The following SLMAP variants were observed in gnomAD, a reference collection of about 807,000 sequenced individuals.
SLMAP encodes sarcolemma associated protein.
A neutral mutation model predicts 128.8 loss-of-function variants in SLMAP; 44 were observed. The observed-to-expected ratio is 0.34, with a 90% CI of 0.27 to 0.44. SLMAP has a LOEUF of 0.44. Among genes scored for constraint, SLMAP ranks in the 20% least tolerant of loss-of-function variants. SLMAP has a pLI of 1.00. For missense variants in SLMAP, 787 were observed against 985.3 expected, an observed-to-expected ratio of 0.80 and a Z score of 2.69; for synonymous variants, 327 against 348.8, an observed-to-expected ratio of 0.94 and a Z score of 0.70.
intron 2 of SLMAP, among the ~76,000 whole-genome samples, chr3:57,804,236 T>A (rs1323265436): frequency 6.6e-6 from 1 of 152,242 alleles, no homozygotes; most frequent in East Asian, 1.9e-4. Flanking sequence ...TGTATTTGTA[T>A]TATTTTTGTC....
chr3:57,855,017 G>A (rs2094702321), intron 6 of SLMAP, among the ~76,000 whole-genome samples: 1 of 152,122 alleles, frequency 6.6e-6, no homozygotes, highest in Non-Finnish European at 1.5e-5. Flanking sequence ...GCATACTGAA[G>A]GCAGTTGTAA....
chr3:57,882,951 A>C (rs1456139384), intron 14 of SLMAP, among the ~76,000 whole-genome samples: 1 of 152,174 alleles, frequency 6.6e-6, no homozygotes, highest in Non-Finnish European at 1.5e-5. Context: ...ATTTGCAAAC[A>C]ACTATTATGT....
chr3:57,869,069 G>A (rs972732259), intron 13 of SLMAP, among the ~76,000 whole-genome samples: 12 of 136,434 alleles, frequency 8.8e-5, no homozygotes, highest in African/African-American at 1.9e-4. Flanking sequence ...ATATAAAGGG[G>A]AGTTTATTAA....
chr3:57,759,633 A>G (rs2078226623), intron 2 of SLMAP, among the ~76,000 whole-genome samples: 1 of 152,166 alleles, frequency 6.6e-6, no homozygotes, highest in African/African-American at 2.4e-5. Flanking sequence ...GTTGAATTCA[A>G]ACATCAGTTT....
intron 23 of SLMAP, among the ~76,000 whole-genome samples, chr3:57,923,744 G>A (rs1223740145): frequency 6.6e-6 from 1 of 152,166 alleles, no homozygotes; most frequent in Non-Finnish European, 1.5e-5. Flanking sequence ...GTGTGCGTGA[G>A]CCACATACTT....
chr3:57,888,297 A>G (rs903918507), intron 14 of SLMAP, among the ~76,000 whole-genome samples: 1 of 152,202 alleles, frequency 6.6e-6, no homozygotes, highest in African/African-American at 2.4e-5. Context: ...AGCATACTAT[A>G]TGACTCATTA....
chr3:57,898,407 A>G lies in SLMAP; in HGVS notation c.1501+1475A>G, dbSNP rs866045678. On this transcript the variant is annotated intron_variant, in intron 17 of 24. Coordinates refer to ENST00000671191, the MANE Select transcript of SLMAP (RefSeq NM_001377540.1). ...CACCCATACAAAAGTAGCCCTCTTT[A>G]TGGTCTTTTGCACTACAGAACTCTC... 2.6e-5 allele frequency: 4 copies of G among 152,128 alleles called. No individual in the cohort carries two copies. The South Asian group carries it at 8.3e-4, about 32-fold the overall frequency. 9.4% of individuals were successfully genotyped at this position (152,128 alleles called of 1,614,324 possible).
At chr3:57,805,556 C>T (rs934452774) in intron 2 of SLMAP, among the ~76,000 whole-genome samples, 8 of 152,174 alleles carry the variant, frequency 5.3e-5, no homozygotes, top group South Asian at 2.1e-4. Context: ...CTAACACTGT[C>T]GTAATTCAGG....
In SLMAP at chr3:57,923,771, C is replaced by T. The variant is rs114301604; in HGVS notation, c.2445+748C>T. Among the ~76,000 whole-genome samples the T allele has an allele frequency of 5.8e-4, 88 of 152,320 alleles. 1 individual carries two copies. The highest frequency in any genetic ancestry group is 2.1e-3 in the African/African-American group (86 of 41,570). On this transcript the variant is annotated intron_variant, in intron 23 of 24. Transcript: ENST00000671191. ...CACATACTTCCTATGGAGGAAGCCACTTCGCTTACCTTGCAGCACAAGTAC... is the reference window on the plus strand; with the variant it reads ...CACATACTTCCTATGGAGGAAGCCATTTCGCTTACCTTGCAGCACAAGTAC...
intron 24 of SLMAP, 63 bp from the exon 25 acceptor site, chr3:57,927,233 G>GACTCTCT: frequency 1.0e-6 from 1 of 990,686 alleles, no homozygotes; most frequent in East Asian, 2.6e-5. Context: ...GGAACCAAGG[G>GACTCTCT]GTTAATAGGT....
chr3:57,781,420 T>A (rs1218921807), intron 2 of SLMAP, among the ~76,000 whole-genome samples: 3 of 152,062 alleles, frequency 2.0e-5, no homozygotes, highest in Non-Finnish European at 4.4e-5. Context: ...ATATGGGAGA[T>A]TTTCTAAGAT....
In SLMAP at chr3:57,756,934, G is replaced by T. The variant is rs2153422440; in HGVS notation, c.-718G>T. 1 of 152,668 alleles carries T rather than the reference G, an allele frequency of 6.6e-6. No individual in the cohort carries two copies. Among genetic ancestry groups the T allele is most frequent in the East Asian group, 1.9e-4 (1 of 5,160 alleles). 9.5% of individuals were successfully genotyped at this position (152,668 alleles called of 1,614,324 possible). On this transcript the variant is annotated 5_prime_UTR_variant, in exon 2 of 25. Coordinates refer to ENST00000671191, the MANE Select transcript of SLMAP (RefSeq NM_001377540.1). ...GCCCAGGAGTCCCGACTTGGCCACTGCCCGCGCCCCGCCGGCCTCCACGCC... is the reference window on the plus strand; with the variant it reads ...GCCCAGGAGTCCCGACTTGGCCACTTCCCGCGCCCCGCCGGCCTCCACGCC...
At chr3:57,886,130 G>A (rs932280764) in intron 14 of SLMAP, among the ~76,000 whole-genome samples, 2 of 141,220 alleles carry the variant, frequency 1.4e-5, no homozygotes, top group Admixed American at 7.4e-5. Flanking sequence ...TTGAGATGGA[G>A]TCTCGCTCTG....
intron 2 of SLMAP, among the ~76,000 whole-genome samples, chr3:57,768,833 C>T (rs1022015086): frequency 6.6e-6 from 1 of 152,032 alleles, no homozygotes; most frequent in African/African-American, 2.4e-5. Flanking sequence ...CTGAGGTCCC[C>T]CTGAAGTTAG....
chr3:57,820,109 CA>C (rs1170289876), intron 2 of SLMAP, among the ~76,000 whole-genome samples: 1 of 152,094 alleles, frequency 6.6e-6, no homozygotes, highest in East Asian at 1.9e-4. Flanking sequence ...GTTGTTGTTT[CA>C]GCTGACCCCA....
At position 57,916,920 on chromosome 3, in the gene SLMAP, G is replaced by A. The variant is rs779912722; in HGVS notation, c.2153G>A (p.Ser718Asn). The change falls in exon 22 of 25, where the codon AGT becomes AAT. Residue 718 changes from serine (S) to asparagine (N), a missense_variant. Physicochemically the swap from Ser to Asn is conservative, Grantham distance 46. Coordinates refer to ENST00000671191, the MANE Select transcript of SLMAP (RefSeq NM_001377540.1). ...EKELHNSQKQ[S>N]LELTSDLSIL... ...TTATATTGCAGTTCTCAGAAGCAGA[G>A]TTTAGAGCTTACCAGTGATCTCAGC... is the stretch of plus-strand genomic sequence containing the variant. The A allele has an allele frequency of 1.2e-6, 2 of 1,613,700 alleles. No homozygotes were observed. The highest frequency in any genetic ancestry group is 1.7e-6 in the Non-Finnish European group (2 of 1,179,742).
chr3:57,817,805 G>A (rs187356094), intron 2 of SLMAP, among the ~76,000 whole-genome samples: 2 of 152,310 alleles, frequency 1.3e-5, no homozygotes, highest in East Asian at 1.9e-4. Context: ...TTAGGATTGT[G>A]TGTCAAATAG....
chr3:57,922,420 C>CTTTTTT (rs1361913887), intron 22 of SLMAP, among the ~76,000 whole-genome samples: 1 of 142,736 alleles, frequency 7.0e-6, no homozygotes, highest in Non-Finnish European at 1.5e-5. Context: ...ACATTAAAGG[C>CTTTTTT]TTTTCTTTTT....
At chr3:57,809,367 A>C (rs1266245089) in intron 2 of SLMAP, among the ~76,000 whole-genome samples, 1 of 152,190 alleles carries the variant, frequency 6.6e-6, no homozygotes, top group Non-Finnish European at 1.5e-5. Context: ...AGGTGCTGTC[A>C]CAGACCAGCC....
Sources: allele counts gnomAD v4.1 joint callset (sites outside exome capture counted in the v4.1 genomes callset), GRCh38; gene constraint gnomAD v4.1.1; transcripts MANE v1.5; gene names NCBI Gene and HGNC (gene_info 2026-07-23, HGNC 2026-07-21).